DIAPH1: variants seen among roughly 807,000 people sequenced by gnomAD.
DIAPH1 encodes the protein protein diaphanous homolog 1.
In DIAPH1, 46 loss-of-function variants were observed where a neutral mutation model predicts 140.7. That is an observed-to-expected ratio of 0.33 (90% CI 0.26 to 0.42). The LOEUF (loss-of-function observed/expected upper bound fraction) is 0.42, where lower values mean the gene tolerates loss of function less well. DIAPH1 is among the 10% of genes least tolerant of loss of function. The pLI, the probability that DIAPH1 is intolerant of heterozygous loss-of-function variation, is 1.00. For missense variants in DIAPH1, 1,310 were observed against 1,558.7 expected (o/e 0.84, Z 2.69); for synonymous variants, 565 against 551.6 (o/e 1.02, Z -0.34).
chr5:141,580,609 T>C (rs2099896609), intron 8 of DIAPH1, 135 bp downstream of exon 8: 1 of 866,768 alleles, frequency 1.2e-6, no homozygotes, highest in South Asian at 1.5e-5. Context: ...ATGCTTAGTG[T>C]TCACTTCTGG....
chr5:141,588,333 G>T (rs1248903450), intron 1 of DIAPH1, 83 bp from the exon 2 acceptor site: 4 of 975,252 alleles, frequency 4.1e-6, no homozygotes, highest in Non-Finnish European at 6.6e-6. Context: ...AGACGGGTTG[G>T]GGAAAAGAGG....
At chr5:141,607,535 A>G (rs2099901168) in intron 1 of DIAPH1, among the ~76,000 whole-genome samples, 2 of 152,250 alleles carry the variant, frequency 1.3e-5, no homozygotes, top group Non-Finnish European at 2.9e-5. Context: ...CACATGGCCA[A>G]AAACGGACAT....
chr5:141,527,917 C>T (rs1209261640), intron 23 of DIAPH1, among the ~76,000 whole-genome samples: 1 of 152,024 alleles, frequency 6.6e-6, no homozygotes, highest in Non-Finnish European at 1.5e-5. Flanking sequence ...ATCATTGAAC[C>T]TCCAGCCTTC....
At chr5:141,606,715 A>G (rs911711040) in intron 1 of DIAPH1, among the ~76,000 whole-genome samples, 6 of 152,096 alleles carry the variant, frequency 3.9e-5, no homozygotes, top group Admixed American at 2.0e-4. Context: ...GTAAAATAAC[A>G]TAAGAGTTTT....
At chr5:141,587,456 A>G (rs778478168) in intron 2 of DIAPH1, 28 of 499,916 alleles carry the variant, frequency 5.6e-5, no homozygotes, top group Non-Finnish European at 8.3e-5. Flanking sequence ...ACTAGAAGAA[A>G]CATTGTTCTT....
At chr5:141,525,529 G>A (rs1210198403) in intron 26 of DIAPH1, among the ~76,000 whole-genome samples, 1 of 152,118 alleles carries the variant, frequency 6.6e-6, no homozygotes, top group Non-Finnish European at 1.5e-5. Context: ...AGAAGAGGGT[G>A]ACCGGCTCCC....
intron 18 of DIAPH1, among the ~76,000 whole-genome samples, chr5:141,548,280 TAA>T (rs11377976): frequency 2.0e-4 from 27 of 134,908 alleles, no homozygotes; most frequent in African/African-American, 6.1e-4. Context: ...TGGAATTCTT[TAA>T]AAAAAAAAAA....
rs942789654 is a variant in DIAPH1 at position 141,564,954 on chromosome 5, G to A, written c.2482+6474C>T. The A allele has an allele frequency of 5.9e-5, 9 of 151,810 alleles. No individual in the cohort carries two copies. The South Asian group carries it at 8.3e-4, about 14-fold the overall frequency. 9.4% of individuals were successfully genotyped at this position (151,810 alleles called of 1,614,324 possible). On this transcript the variant is annotated intron_variant, in intron 18 of 27. Coordinates refer to ENST00000389054, the MANE Select transcript of DIAPH1 (RefSeq NM_005219.5). Reference sequence around the variant, plus strand: ...TACCATAAATATTTTTTTATTTTTCGTGGAAGTATAAATTGCTACAATCTT... The same window carrying A: ...TACCATAAATATTTTTTTATTTTTCATGGAAGTATAAATTGCTACAATCTT...
chr5:141,561,415 G>C (rs2099893516), intron 18 of DIAPH1, among the ~76,000 whole-genome samples: 1 of 150,722 alleles, frequency 6.6e-6, no homozygotes, highest in Non-Finnish European at 1.5e-5. Context: ...AAACTGTTAA[G>C]AGTGAAGTAA....
chr5:141,571,564 C>T, intron 17 of DIAPH1, 128 bp from the exon 18 acceptor site: 1 of 774,854 alleles, frequency 1.3e-6, no homozygotes, highest in Non-Finnish European at 2.2e-6. Flanking sequence ...GTTAAAGACT[C>T]TTTCCAACCC....
At chr5:141,608,128 T>C (rs983538167) in intron 1 of DIAPH1, among the ~76,000 whole-genome samples, 6 of 152,200 alleles carry the variant, frequency 3.9e-5, no homozygotes, top group Non-Finnish European at 5.9e-5. Context: ...CTAGTCAACA[T>C]TTCTTAATCT....
In DIAPH1 at chr5:141,531,108, GCCA is replaced by G. The variant is rs560531030; in HGVS notation, c.2582-1414_2582-1412del. ...CCACAAAGCCAATGAAAAGATGGCA[GCCA>G]CTTAGAGAATATACTTTAAGTAAGA... On this transcript the variant is annotated intron_variant, in intron 19 of 27. Coordinates refer to ENST00000389054, the MANE Select transcript of DIAPH1 (RefSeq NM_005219.5). Among the ~76,000 whole-genome samples the G allele has an allele frequency of 3.7e-3, 561 of 152,210 alleles. 5 individuals carry two copies. Among genetic ancestry groups the G allele is most frequent in the Admixed American group, 0.011 (163 of 15,288 alleles).
rs1342839445 is a variant in DIAPH1 at position 141,576,255 on chromosome 5, G to C, written c.1436C>G (p.Ala479Gly). The C allele has an allele frequency of 1.9e-6, 3 of 1,613,844 alleles. No individual in the cohort carries two copies. Among genetic ancestry groups the C allele is most frequent in the Non-Finnish European group, 2.5e-6 (3 of 1,179,856 alleles). ...IDKTKVEKSE[A>G]KAAELEKKLD... The stretch of plus-strand genomic sequence containing the variant: ...CTTCTTTTCCAGCTCTGCAGCTTTG[G>C]CTTCAGATTTCTCCACCTTTGTCTT... The change falls in exon 14 of 28, where the codon GCC (alanine) becomes GGC (glycine). Residue 479 changes from alanine to glycine, a missense_variant. By Grantham distance (60) the Ala-to-Gly change is moderately conservative (BLOSUM62 0). This residue lies in a region of DIAPH1 where 589 missense variants were observed against 549.3 expected (regional missense o/e 1.07). Coordinates refer to ENST00000389054, the MANE Select transcript of DIAPH1 (RefSeq NM_005219.5).
Position 141,583,559 on chromosome 5 carries a change from C to T in DIAPH1, c.459G>A (p.Arg153=), listed in dbSNP as rs748655447. 2.5e-6 allele frequency: 4 copies of T among 1,614,214 alleles called. No homozygotes were observed. The South Asian group carries it at 4.4e-5, about 18-fold the overall frequency. Residue 153 remains arginine, a synonymous_variant, in exon 5 of 28, where the codon AGG becomes AGA. Transcript: ENST00000389054. ...KSAMMYIQEL[R]SGLRDMPLLS... ...GCAGAGGCATATCCCGCAAGCCTGA[C>T]CTCAACTCCTGAATATACATCATGG... is the stretch of plus-strand genomic sequence containing the variant.
intron 13 of DIAPH1, 86 bp from the exon 14 acceptor site, chr5:141,576,380 T>C: frequency 9.5e-7 from 1 of 1,057,416 alleles, no homozygotes; most frequent in Non-Finnish European, 1.5e-6. Context: ...GAACAGTCTT[T>C]TTGATCATTT....
intron 1 of DIAPH1, among the ~76,000 whole-genome samples, chr5:141,599,809 A>C (rs1234330757): frequency 6.6e-6 from 1 of 152,232 alleles, no homozygotes; most frequent in Non-Finnish European, 1.5e-5. Context: ...TATAATCATC[A>C]GGACTGTGAA....
intron 1 of DIAPH1, among the ~76,000 whole-genome samples, chr5:141,593,235 G>A (rs1240306753): frequency 6.6e-6 from 1 of 152,192 alleles, no homozygotes; most frequent in African/African-American, 2.4e-5. Flanking sequence ...AGCTGTTTAA[G>A]AAGCAGTTAG....
At chr5:141,544,957 A>G (rs1374006218) in intron 18 of DIAPH1, among the ~76,000 whole-genome samples, 1 of 152,238 alleles carries the variant, frequency 6.6e-6, no homozygotes, top group Non-Finnish European at 1.5e-5. Flanking sequence ...AAACGTTTCT[A>G]TCAGCTTTAT....
rs576187868 is a variant in DIAPH1 at position 141,587,304 on chromosome 5, G to C, written c.145-107C>G. The C allele has an allele frequency of 5.1e-5, 60 of 1,170,816 alleles. No homozygotes were observed. In the African/African-American group the frequency reaches 8.3e-4, roughly 16 times the overall value. 72.5% of individuals were successfully genotyped at this position (1,170,816 alleles called of 1,614,324 possible). A position where few individuals can be genotyped will look rare whatever the true frequency, so the allele number is the denominator to read the frequency against. On this transcript the variant is annotated intron_variant, in intron 2 of 27. Transcript: ENST00000389054. ...CCTCTTACACAGGCATGGTTCCTCT[G>C]GTTCACAAGCAGTTCAAGACTCTTC...
Sources: gnomAD v4.1 joint callset for allele counts (sites outside exome capture counted in the v4.1 genomes callset) on GRCh38, gnomAD v4.1.1 for gene constraint, gnomAD v4.1.1 regional missense constraint, MANE v1.5 for transcripts, NCBI Gene and HGNC (gene_info 2026-07-23, HGNC 2026-07-21) for gene names.